Variants in RAB44 observed in about 807,000 individuals in gnomAD.
The protein encoded by RAB44 is ras-related protein Rab-44.
RAB44 carries 67 observed loss-of-function variants against 93.3 expected under a neutral mutation model. The observed-to-expected ratio is 0.72, with a 90% CI of 0.59 to 0.88. The LOEUF (loss-of-function observed/expected upper bound fraction) is 0.88, where lower values mean the gene tolerates loss of function less well. RAB44 is among the 40% of genes least tolerant of loss of function. The probability of loss-of-function intolerance (pLI) is 0.00; values close to 1 mark genes in which losing one functional copy is unlikely to be tolerated. For synonymous variants in RAB44, 427 were observed against 520.3 expected (o/e 0.82, Z 2.44); for missense variants, 1,064 against 1,261.7 (o/e 0.84, Z 2.37).
intron 4 of RAB44, among the ~76,000 whole-genome samples, chr6:36,716,246 G>T (rs2150333291): frequency 6.6e-6 from 1 of 152,020 alleles, no homozygotes; most frequent in Admixed American, 6.5e-5. Context: ...GAGGCGGGTG[G>T]ATCACCTGAG....
intron 2 of RAB44, among the ~76,000 whole-genome samples, chr6:36,709,114 T>C (rs765162581): frequency 6.6e-6 from 1 of 151,952 alleles, no homozygotes; most frequent in African/African-American, 2.4e-5. Context: ...CTGGCTATTT[T>C]TTTTTATTTT....
chr6:36,703,925 C>A (rs899016176), intron 1 of RAB44, among the ~76,000 whole-genome samples: 1 of 152,086 alleles, frequency 6.6e-6, no homozygotes, highest in African/African-American at 2.4e-5. Context: ...CTCTAATGGT[C>A]GGAGAAGACT....
rs946274321 is a variant in RAB44, at chr6:36,722,455, A to C, written c.2321A>C (p.Gln774Pro). ...TPPTMAEQEA[Q>P]PRPSLTTAHA... ...CCCACCATGGCTGAGCAGGAAGCCCAACCCAGGCCATCCCTCACGACTGCT... is the reference window on the plus strand; with the variant it reads ...CCCACCATGGCTGAGCAGGAAGCCCCACCCAGGCCATCCCTCACGACTGCT... The change falls in exon 9 of 14, where the codon CAA becomes CCA. Residue 774 changes from glutamine (Q) to proline (P), a missense_variant. By Grantham distance (76) the Gln-to-Pro change is moderately conservative. Transcript: ENST00000612677. 2 of 1,442,902 alleles carry C rather than the reference A, an allele frequency of 1.4e-6. No homozygotes were observed. The highest frequency in any genetic ancestry group is 1.4e-5 in the African/African-American group (1 of 70,084). 89.4% of individuals were successfully genotyped at this position (1,442,902 alleles called of 1,614,324 possible).
At chr6:36,722,882 G>A in intron 9 of RAB44, 149 bp downstream of exon 9, 1 of 878,056 alleles carries the variant, frequency 1.1e-6, no homozygotes, top group Non-Finnish European at 1.7e-6. Context: ...GTTTTATATG[G>A]GCATAACCTT....
chr6:36,713,834 A>T lies in RAB44; in HGVS notation c.214A>T (p.Lys72Ter), dbSNP rs573505312. Residue 72 changes from lysine (K) to a stop codon, truncating the protein, a stop_gained, in exon 3 of 14, where the codon AAG becomes TAG. Coordinates refer to ENST00000612677, the MANE Select transcript of RAB44 (RefSeq NM_001257357.2). LOFTEE classifies it high-confidence loss of function. ...FVTREDLAVAKFSFLGSKEES... is the reference protein window; with the variant it reads ...FVTREDLAVA Reference sequence around the variant, plus strand: ...ACTTGCCCATTCCTTCCAGGTGGCCAAGTTCAGCTTCCTGGGCAGCAAGGA... The same window carrying T: ...ACTTGCCCATTCCTTCCAGGTGGCCTAGTTCAGCTTCCTGGGCAGCAAGGA... 1,496 of 1,535,530 alleles carry T rather than the reference A, an allele frequency of 9.7e-4. 3 individuals carry two copies. Among genetic ancestry groups the T allele is most frequent in the Non-Finnish European group, 9.5e-4 (1,086 of 1,146,348 alleles).
At chr6:36,707,438 A>G (rs1762676619) in intron 2 of RAB44, among the ~76,000 whole-genome samples, 1 of 152,272 alleles carries the variant, frequency 6.6e-6, no homozygotes, top group South Asian at 2.1e-4. Flanking sequence ...TTCCTTACAG[A>G]TCTATTAAAG....
rs149779115 is a variant in RAB44, at chr6:36,727,017, T to C, written c.2682-560T>C. Among the ~76,000 whole-genome samples, 64 of 114,952 alleles carry C rather than the reference T, an allele frequency of 5.6e-4. 1 individual carries two copies. Among genetic ancestry groups the C allele is most frequent in the African/African-American group, 1.5e-3 (60 of 38,826 alleles). 75.4% of individuals were successfully genotyped at this position (114,952 alleles called of 152,430 possible). ...GGTTTCACCATGTTGGCCAGGCCGA[T>C]CTGGAACTCCTGACCGCAAGTGATC... On this transcript the variant is annotated intron_variant, in intron 10 of 13. Coordinates refer to ENST00000612677, the MANE Select transcript of RAB44 (RefSeq NM_001257357.2).
intron 10 of RAB44, 80 bp from the exon 11 acceptor site, chr6:36,727,497 A>G: frequency 1.2e-6 from 1 of 848,446 alleles, no homozygotes. Flanking sequence ...GAAGTAGGAT[A>G]GGTTACTTCT....
rs550509760 is a variant in RAB44 at position 36,718,173 on chromosome 6, G to C, written c.732+55G>C. ...CCCACTGCCCGGGACACCTCTGCTG[G>C]CTAAGGAATGGGGCCAGTGACTGGC... On this transcript the variant is annotated intron_variant, in intron 6 of 13. Coordinates refer to ENST00000612677, the MANE Select transcript of RAB44 (RefSeq NM_001257357.2). 7 of 1,152,586 alleles carry C rather than the reference G, an allele frequency of 6.1e-6. No homozygotes were observed. The South Asian group carries it at 2.7e-4, about 44-fold the overall frequency. The allele number at this position is 1,152,586 out of a possible 1,614,324, so 71.4% of individuals were successfully genotyped here. A position where few individuals can be genotyped will look rare whatever the true frequency, so the allele number is the denominator to read the frequency against.
At chr6:36,710,786 G>A (rs1762766508) in intron 2 of RAB44, among the ~76,000 whole-genome samples, 1 of 152,018 alleles carries the variant, frequency 6.6e-6, no homozygotes, top group African/African-American at 2.4e-5. Flanking sequence ...ATCACGTGTG[G>A]CTAAGTTTTG....
rs1009557078 is a variant in RAB44, at chr6:36,721,163, G to A, written c.1029G>A (p.Ala343=). Residue 343 remains alanine (A), a synonymous_variant, in exon 9 of 14, where the codon GCG becomes GCA. Transcript: ENST00000612677. ...GCTTCATTTCCAGTTTTCCTGGAGC[G>A]GGTGAGAAGACCCCAGACCCTCAGG... is the stretch of plus-strand genomic sequence containing the variant. ...QVEEKLSFPG[A]GEKTPDPQAA... The A allele has an allele frequency of 8.3e-6, 10 of 1,200,704 alleles. No individual in the cohort carries two copies. In the East Asian group the frequency reaches 9.6e-5, roughly 12 times the overall value. 74.4% of individuals were successfully genotyped at this position (1,200,704 alleles called of 1,614,324 possible). A position where few individuals can be genotyped will look rare whatever the true frequency, so the allele number is the denominator to read the frequency against.
chr6:36,728,922 C>T (rs1763299278), intron 12 of RAB44, 121 bp downstream of exon 12: 1 of 764,618 alleles, frequency 1.3e-6, no homozygotes, highest in Non-Finnish European at 2.2e-6. Context: ...CATTCCTGCC[C>T]CTGCCCCAAC....
intron 10 of RAB44, among the ~76,000 whole-genome samples, chr6:36,727,328 G>C (rs1398348233): frequency 6.6e-6 from 1 of 152,198 alleles, no homozygotes; most frequent in Non-Finnish European, 1.5e-5. Context: ...TCTGGGGAGG[G>C]GGACTGGGTG....
intron 9 of RAB44, among the ~76,000 whole-genome samples, chr6:36,724,940 G>A (rs2150340182): frequency 6.6e-6 from 1 of 152,314 alleles, no homozygotes; most frequent in Non-Finnish European, 1.5e-5. Context: ...CTGCATTTGA[G>A]GACGGGACCA....
intron 12 of RAB44, among the ~76,000 whole-genome samples, chr6:36,729,242 C>T (rs935083556): frequency 1.2e-4 from 19 of 152,176 alleles, no homozygotes; most frequent in African/African-American, 3.9e-4. Context: ...GGGATGATTA[C>T]ATCAAAAGCC....
In RAB44 at chr6:36,721,845, A is replaced by G. The variant is rs1763093265; in HGVS notation, c.1711A>G (p.Thr571Ala). ...ERETQPGPSP[T>A]TALTGVGPAK... ...GGAAACCCAGCCCGGACCCTCACCC[A>G]CAACTGCCCTCACAGGAGTGGGCCC... The change falls in exon 9 of 14, where the codon ACA becomes GCA. Residue 571 changes from threonine to alanine, a missense_variant. Physicochemically the swap from Thr to Ala is moderately conservative, Grantham distance 58. Coordinates refer to ENST00000612677, the MANE Select transcript of RAB44 (RefSeq NM_001257357.2). 4.0e-6 allele frequency: 5 copies of G among 1,234,798 alleles called. No individual in the cohort carries two copies. The highest frequency in any genetic ancestry group is 5.1e-6 in the Non-Finnish European group (5 of 988,622). 76.5% of individuals were successfully genotyped at this position (1,234,798 alleles called of 1,614,324 possible).
rs1327839653 is a variant in RAB44, at chr6:36,722,690, G to A, written c.2556G>A (p.Leu852=). 2 of 1,550,658 alleles carry A rather than the reference G, an allele frequency of 1.3e-6. No individual in the cohort carries two copies. The highest frequency in any genetic ancestry group is 1.4e-5 in the African/African-American group (1 of 73,188). The part of the protein sequence containing the change: ...SNVGKTSFLH[L]LHQNSFATGL... ...TGGGCAAAACATCCTTCCTGCACCTGCTGCACCAGAATTCTTTCGCCACCG... is the reference window on the plus strand; with the variant it reads ...TGGGCAAAACATCCTTCCTGCACCTACTGCACCAGAATTCTTTCGCCACCG... Residue 852 remains leucine (L), a synonymous_variant, in exon 9 of 14, where the codon CTG becomes CTA. Coordinates refer to ENST00000612677, the MANE Select transcript of RAB44 (RefSeq NM_001257357.2).
chr6:36,704,885 C>T (rs1366973211), intron 2 of RAB44, among the ~76,000 whole-genome samples: 3 of 151,858 alleles, frequency 2.0e-5, no homozygotes, highest in Non-Finnish European at 4.4e-5. Flanking sequence ...TTTGGGAGGC[C>T]GAGGCGGGCG....
At position 36,727,739 on chromosome 6, in the gene RAB44, G is replaced by T. The variant is rs778488441; in HGVS notation, c.2796+48G>T. ...TGGCCCCAGTCCCTCCAGTCAAGAG[G>T]GATCTTATATCCTGCCCACTCCCTC... is the stretch of plus-strand genomic sequence containing the variant. On this transcript the variant is annotated intron_variant, in intron 11 of 13. Transcript: ENST00000612677. 13 of 1,227,702 alleles carry T rather than the reference G, an allele frequency of 1.1e-5. No individual in the cohort carries two copies. In the South Asian group the frequency reaches 1.5e-4, roughly 15 times the overall value. 76.1% of individuals were successfully genotyped at this position (1,227,702 alleles called of 1,614,324 possible). A position where few individuals can be genotyped will look rare whatever the true frequency, so the allele number is the denominator to read the frequency against.
Sources: gnomAD v4.1 joint callset for allele counts (sites outside exome capture counted in the v4.1 genomes callset) on GRCh38, gnomAD v4.1.1 for gene constraint, MANE v1.5 for transcripts, NCBI Gene and HGNC (gene_info 2026-07-23, HGNC 2026-07-21) for gene names.